Variants in CACNG2 observed in about 807,000 individuals in gnomAD.
The protein encoded by CACNG2 is calcium voltage-gated channel auxiliary subunit gamma 2, also known as voltage-dependent calcium channel gamma-2 subunit.
Under a neutral mutation model 25.9 loss-of-function variants are expected in CACNG2, and 3 were observed. The observed-to-expected ratio is 0.12, with a 90% CI of 0.05 to 0.30. The LOEUF (loss-of-function observed/expected upper bound fraction) is 0.30, where lower values mean the gene tolerates loss of function less well. Among genes scored for constraint, CACNG2 ranks in the 10% least tolerant of loss-of-function variants. CACNG2 has a pLI of 1.00. For missense variants in CACNG2, 341 were observed against 432.5 expected, an observed-to-expected ratio of 0.79 and a Z score of 1.88; for synonymous variants, 167 against 173.3, an observed-to-expected ratio of 0.96 and a Z score of 0.29.
chr22:36,693,001 A>C (rs996337067), intron 1 of CACNG2, among the ~76,000 whole-genome samples: 7 of 152,074 alleles, frequency 4.6e-5, no homozygotes, highest in Admixed American at 3.3e-4. Context: ...CAAAAATTAG[A>C]TAAGCATGGT....
At chr22:36,565,318 G>T (rs570347925) in intron 3 of CACNG2, among the ~76,000 whole-genome samples, 1 of 152,210 alleles carries the variant, frequency 6.6e-6, no homozygotes, top group African/African-American at 2.4e-5. Context: ...GGGTGAAGGC[G>T]GGCTGATGGA....
intron 2 of CACNG2, among the ~76,000 whole-genome samples, chr22:36,570,221 G>C (rs1935202157): frequency 6.6e-6 from 1 of 152,230 alleles, no homozygotes; most frequent in African/African-American, 2.4e-5. Context: ...CATGCGTGTG[G>C]GCAGCCAGAG....
At chr22:36,659,695 A>G (rs1353612967) in intron 1 of CACNG2, among the ~76,000 whole-genome samples, 1 of 152,056 alleles carries the variant, frequency 6.6e-6, no homozygotes, top group Non-Finnish European at 1.5e-5. Context: ...ACAGGCACAC[A>G]GGTGAAATGC....
chr22:36,667,149 G>A (rs985696926), intron 1 of CACNG2, among the ~76,000 whole-genome samples: 3 of 151,992 alleles, frequency 2.0e-5, no homozygotes, highest in Admixed American at 6.6e-5. Context: ...GCCATGACCC[G>A]TGGCTAAGAC....
Position 36,638,021 on chromosome 22 carries a change from C to CA in CACNG2, c.212-50474dup, listed in dbSNP as rs539878708. 6.5e-3 allele frequency among the ~76,000 whole-genome samples: 876 copies of CA among 134,708 alleles called. 3 individuals are homozygous for CA. The highest frequency in any genetic ancestry group is 0.013 in the African/African-American group (478 of 36,674). 88.4% of individuals were successfully genotyped at this position (134,708 alleles called of 152,430 possible). A position where few individuals can be genotyped will look rare whatever the true frequency, so the allele number is the denominator to read the frequency against. On this transcript the variant is annotated intron_variant, in intron 1 of 3. Coordinates refer to ENST00000300105, the MANE Select transcript of CACNG2 (RefSeq NM_006078.5). Reference sequence around the variant, plus strand: ...TGGGCAACAGAGTGAGAATCCATCTCAAAAAAAAAAAAAGAATCTTGTCTG... The same window carrying CA: ...TGGGCAACAGAGTGAGAATCCATCTCAAAAAAAAAAAAAAGAATCTTGTCTG...
At chr22:36,661,980 T>C (rs1174278610) in intron 1 of CACNG2, among the ~76,000 whole-genome samples, 1 of 98,122 alleles carries the variant, frequency 1.0e-5, no homozygotes, top group African/African-American at 1.2e-4. Flanking sequence ...TTTTTTTTTT[T>C]TTTTTTTTTT....
intron 1 of CACNG2, among the ~76,000 whole-genome samples, chr22:36,679,188 TCC>T (rs879917609): frequency 0.058 from 5,485 of 94,542 alleles, 112 homozygotes; most frequent in Admixed American, 0.085. Flanking sequence ...CTTCCTTCCT[TCC>T]TTCCTTCCTT....
intron 1 of CACNG2, among the ~76,000 whole-genome samples, chr22:36,690,657 C>T (rs536783374): frequency 2.6e-5 from 4 of 152,280 alleles, no homozygotes; most frequent in Middle Eastern, 3.4e-3. Flanking sequence ...GGCTATATTT[C>T]TTGTCCAAGG....
At chr22:36,656,396 T>C (rs567864956) in intron 1 of CACNG2, among the ~76,000 whole-genome samples, 2 of 152,252 alleles carry the variant, frequency 1.3e-5, no homozygotes, top group South Asian at 2.1e-4. Context: ...TAATGAACCA[T>C]ATCCAATCAA....
intron 1 of CACNG2, among the ~76,000 whole-genome samples, chr22:36,670,630 T>TGTTTG (rs1555900629): frequency 2.0e-5 from 3 of 151,198 alleles, no homozygotes; most frequent in African/African-American, 7.3e-5. Flanking sequence ...TGTTTTTGTT[T>TGTTTG]TTTTGTTTTG....
chr22:36,662,486 A>T (rs1383037195), intron 1 of CACNG2, among the ~76,000 whole-genome samples: 1 of 151,974 alleles, frequency 6.6e-6, no homozygotes, highest in African/African-American at 2.4e-5. Context: ...TGAATTACAC[A>T]CCTGTCCCCA....
chr22:36,658,770 G>A (rs1038937023), intron 1 of CACNG2, among the ~76,000 whole-genome samples: 8 of 152,180 alleles, frequency 5.3e-5, no homozygotes, highest in African/African-American at 1.9e-4. Flanking sequence ...AATCACAGAG[G>A]GCAATAGTGC....
intron 1 of CACNG2, among the ~76,000 whole-genome samples, chr22:36,648,284 A>T (rs1032384862): frequency 6.6e-6 from 1 of 152,244 alleles, no homozygotes; most frequent in Non-Finnish European, 1.5e-5. Flanking sequence ...TGCAAATAAA[A>T]AATTTAAAAA....
intron 1 of CACNG2, among the ~76,000 whole-genome samples, chr22:36,594,085 T>C (rs1166827325): frequency 1.3e-5 from 2 of 152,158 alleles, no homozygotes; most frequent in Non-Finnish European, 2.9e-5. Context: ...GGGGTTGTGA[T>C]GGCTTCAGGC....
intron 1 of CACNG2, among the ~76,000 whole-genome samples, chr22:36,660,602 C>A (rs999080363): frequency 6.6e-6 from 1 of 152,234 alleles, no homozygotes; most frequent in Non-Finnish European, 1.5e-5. Flanking sequence ...AGTGTGGTGG[C>A]CTTCCTTCCA....
intron 2 of CACNG2, among the ~76,000 whole-genome samples, chr22:36,583,736 C>A (rs1935457877): frequency 6.6e-6 from 1 of 152,228 alleles, no homozygotes; most frequent in Non-Finnish European, 1.5e-5. Flanking sequence ...TCTCCCCCAT[C>A]CTGGGCTCCC....
At chr22:36,655,749 C>T (rs934745507) in intron 1 of CACNG2, among the ~76,000 whole-genome samples, 9 of 144,762 alleles carry the variant, frequency 6.2e-5, no homozygotes, top group Admixed American at 2.1e-4. Flanking sequence ...TTCCTTTCTT[C>T]CTTTCTTTCT....
chr22:36,570,462 C>G (rs1312446941), intron 2 of CACNG2, among the ~76,000 whole-genome samples: 2 of 152,118 alleles, frequency 1.3e-5, no homozygotes, highest in Non-Finnish European at 2.9e-5. Context: ...CCTCTTTGCC[C>G]AGAAAGAAGG....
intron 2 of CACNG2, among the ~76,000 whole-genome samples, chr22:36,579,383 A>G (rs187897979): frequency 1.9e-4 from 27 of 145,538 alleles, no homozygotes; most frequent in Non-Finnish European, 3.3e-4. Context: ...CAGCCTGGGC[A>G]ACAAAAGTGA....
Sources: allele counts gnomAD v4.1 joint callset (sites outside exome capture counted in the v4.1 genomes callset), GRCh38; gene constraint gnomAD v4.1.1; transcripts MANE v1.5; gene names NCBI Gene and HGNC (gene_info 2026-07-23, HGNC 2026-07-21).